Variants in AHNAK observed in about 807,000 individuals in gnomAD.
The protein encoded by AHNAK is neuroblast differentiation-associated protein AHNAK.
Under a neutral mutation model 37.8 loss-of-function variants are expected in AHNAK, and 23 were observed. That is an observed-to-expected ratio of 0.61 (90% CI 0.44 to 0.86). AHNAK has a LOEUF of 0.86. AHNAK is among the 40% of genes least tolerant of loss of function. The probability of loss-of-function intolerance (pLI) is 0.00; values close to 1 mark genes in which losing one functional copy is unlikely to be tolerated. For synonymous variants in AHNAK, 2,481 were observed against 2,636.3 expected (o/e 0.94, Z 1.80); for missense variants, 7,411 against 7,319.4 (o/e 1.01, Z -0.46).
chr11:62,526,272 G>C lies in AHNAK; in HGVS notation c.8145C>G (p.Asn2715Lys). Residue 2715 changes from asparagine (N) to lysine (K), a missense_variant, in exon 5 of 5, where the codon AAC (asparagine) becomes AAG (lysine). Physicochemically the swap from Asn to Lys is moderately conservative, Grantham distance 94. Coordinates refer to ENST00000378024, the MANE Select transcript of AHNAK (RefSeq NM_001620.3). ...CACCCTTCACTTTGGGTCCTTTCAG[G>C]TTTAAGTCAATATCAGGCATGGAGA... ...PKISMPDIDLNLKGPKVKGDV... is the reference protein window; with the variant it reads ...PKISMPDIDLKLKGPKVKGDV... 6.2e-7 allele frequency: 1 copy of C among 1,612,786 alleles called. No individual in the cohort carries two copies. Among genetic ancestry groups the C allele is most frequent in the Non-Finnish European group, 8.5e-7 (1 of 1,179,690 alleles).
chr11:62,471,434 C>G (rs1018451873), intron 5 of AHNAK, among the ~76,000 whole-genome samples: 6 of 152,188 alleles, frequency 3.9e-5, no homozygotes, highest in Non-Finnish European at 8.8e-5. Flanking sequence ...CTCAGCCTCC[C>G]AAAGTGCTGG....
chr11:62,462,477 T>A (rs534720446), intron 5 of AHNAK, among the ~76,000 whole-genome samples: 5 of 152,328 alleles, frequency 3.3e-5, no homozygotes, highest in Admixed American at 2.6e-4. Context: ...TTACATATTT[T>A]ATGAAGTCCT....
At position 62,519,880 on chromosome 11, in the gene AHNAK, G is replaced by C. The variant is rs778583044; in HGVS notation, c.14537C>G (p.Ala4846Gly). ...AACATCAGGTATGGAGATCTTGGGA[G>C]CTTTGATATTTATTTCAGGCATCTT... Reference protein sequence around the residue: ...KFKMPEINIKAPKISIPDVDL... With the variant: ...KFKMPEINIKGPKISIPDVDL... The change falls in exon 5 of 5, where the codon GCT (alanine) becomes GGT (glycine). Residue 4846 changes from alanine (A) to glycine (G), a missense_variant. Transcript: ENST00000378024. 6.2e-7 allele frequency: 1 copy of C among 1,614,078 alleles called. No individual in the cohort carries two copies. Among genetic ancestry groups the C allele is most frequent in the Admixed American group, 1.7e-5 (1 of 60,012 alleles).
intron 5 of AHNAK, among the ~76,000 whole-genome samples, chr11:62,461,809 A>C (rs981512230): frequency 2.7e-5 from 4 of 146,578 alleles, no homozygotes; most frequent in Non-Finnish European, 4.5e-5. Flanking sequence ...TGGGCAACAG[A>C]GCGAAACGAC....
chr11:62,498,404 ATGTAATTATAATTACACTATATAG>A (rs375466556), intron 4 of AHNAK, among the ~76,000 whole-genome samples: 7,130 of 150,432 alleles, frequency 0.047, 209 homozygotes, highest in Middle Eastern at 0.095. Context: ...ATTACACTAA[ATGTAATTATAATTACACTATATAG>A]TGTAATTATA....
At position 62,529,737 on chromosome 11, in the gene AHNAK, C is replaced by T; in HGVS notation, c.4680G>A (p.Gly1560=). ...VPDVNLEAPE[G]KLKGPKFKMP... is the part of the protein sequence containing the mutation. ...TCTTGAACTTAGGGCCTTTTAGTTT[C>T]CCCTCTGGAGCTTCAAGATTCACAT... Residue 1560 remains glycine (G), a synonymous_variant, in exon 5 of 5, where the codon GGG becomes GGA. Transcript: ENST00000378024. 1.2e-6 allele frequency: 2 copies of T among 1,613,998 alleles called. No homozygotes were observed. Among genetic ancestry groups the T allele is most frequent in the Non-Finnish European group, 1.7e-6 (2 of 1,179,990 alleles).
rs756830462 is a variant in AHNAK, at chr11:62,528,741, C to T, written c.5676G>A (p.Glu1892=). The change falls in exon 5 of 5, where the codon GAG becomes GAA. Residue 1892 remains glutamate (E), a synonymous_variant. Coordinates refer to ENST00000378024, the MANE Select transcript of AHNAK (RefSeq NM_001620.3). The part of the protein sequence containing the change: ...GDLTGPSVGV[E]VPDVELECPD... Reference sequence around the variant, plus strand: ...GACACTCCAGCTCAACATCAGGCACCTCCACACCCACACTGGGGCCTGTTA... The same window carrying T: ...GACACTCCAGCTCAACATCAGGCACTTCCACACCCACACTGGGGCCTGTTA... The T allele has an allele frequency of 3.1e-6, 5 of 1,612,020 alleles. No homozygotes were observed. Among genetic ancestry groups the T allele is most frequent in the Non-Finnish European group, 4.2e-6 (5 of 1,179,632 alleles).
At chr11:62,451,147 C>T (rs1450646087) in intron 5 of AHNAK, among the ~76,000 whole-genome samples, 1 of 150,308 alleles carries the variant, frequency 6.7e-6, no homozygotes, top group East Asian at 1.9e-4. Context: ...GTGGTACAAT[C>T]TCAGCTCACT....
At position 62,520,264 on chromosome 11, in the gene AHNAK, G is replaced by T. The variant is rs747228518; in HGVS notation, c.14153C>A (p.Ala4718Asp). The T allele has an allele frequency of 6.2e-7, 1 of 1,612,310 alleles. No individual in the cohort carries two copies. The highest frequency in any genetic ancestry group is 1.7e-5 in the Admixed American group (1 of 59,762). ...AATATCAGGCATGGAGATCTTGGGGGCTTTGATGCTCATCTCAGGCATCTT... is the reference window on the plus strand; with the variant it reads ...AATATCAGGCATGGAGATCTTGGGGTCTTTGATGCTCATCTCAGGCATCTT... ...KFKMPEMSIK[A>D]PKISMPDIDL... is the part of the protein sequence containing the mutation. The change falls in exon 5 of 5, where the codon GCC becomes GAC. Residue 4718 changes from alanine to aspartate, a missense_variant. Transcript: ENST00000378024.
At chr11:62,538,999 G>A (rs1003829254) in intron 1 of AHNAK, among the ~76,000 whole-genome samples, 5 of 152,136 alleles carry the variant, frequency 3.3e-5, no homozygotes, top group African/African-American at 4.8e-5. Context: ...TTGACAACGC[G>A]GTGTGGACAA....
rs749678925 is a variant in AHNAK, at chr11:62,517,478, C to G, written c.16939G>C (p.Gly5647Arg). 3 of 1,614,122 alleles carry G rather than the reference C, an allele frequency of 1.9e-6. No homozygotes were observed. The highest frequency in any genetic ancestry group is 1.1e-5 in the South Asian group (1 of 91,076). ...APGLSVSGPQ[G>R]HLESGSGKVT... ...TTTCCAGATCCACTTTCCAAGTGACCTTGAGGCCCAGACACACTCAGCCCA... is the reference window on the plus strand; with the variant it reads ...TTTCCAGATCCACTTTCCAAGTGACGTTGAGGCCCAGACACACTCAGCCCA... The change falls in exon 5 of 5, where the codon GGT (glycine) becomes CGT (arginine). Residue 5647 changes from glycine (G) to arginine (R), a missense_variant. By Grantham distance (125) the Gly-to-Arg change is moderately radical. Transcript: ENST00000378024.
chr11:62,447,445 A>C (rs11828965), intron 5 of AHNAK, among the ~76,000 whole-genome samples: 1 of 152,136 alleles, frequency 6.6e-6, no homozygotes, highest in African/African-American at 2.4e-5. Context: ...CGTCTGTTCC[A>C]CGCTGTTGCT....
intron 5 of AHNAK, among the ~76,000 whole-genome samples, chr11:62,451,566 C>T (rs1938537662): frequency 2.0e-5 from 3 of 151,802 alleles, no homozygotes; most frequent in African/African-American, 7.3e-5. Flanking sequence ...GATAAAACCC[C>T]GTCTCTACTA....
rs376812076 is a variant in AHNAK, at chr11:62,532,493, T to C, written c.1924A>G (p.Lys642Glu). ...KMPTFSTPGA[K>E]GEGPDVHMTL... ...ATATGAACATCTGGACCTTCCCCTT[T>C]GGCTCCTGGAGTGCTGAACGTGGGC... The change falls in exon 5 of 5, where the codon AAA (lysine) becomes GAA (glutamate). Residue 642 changes from lysine to glutamate, a missense_variant. Coordinates refer to ENST00000378024, the MANE Select transcript of AHNAK (RefSeq NM_001620.3). 1.9e-6 allele frequency: 3 copies of C among 1,613,996 alleles called. No individual in the cohort carries two copies. Among genetic ancestry groups the C allele is most frequent in the Non-Finnish European group, 1.7e-6 (2 of 1,180,032 alleles).
At chr11:62,454,004 G>A (rs4382917) in intron 5 of AHNAK, among the ~76,000 whole-genome samples, 42,792 of 151,816 alleles carry the variant, frequency 0.28, 7,130 homozygotes, top group African/African-American at 0.46. Context: ...CTACTCTGGA[G>A]GCTGAGGCAG....
At position 62,475,602 on chromosome 11, in the gene AHNAK, C is replaced by CTTTTTT. The variant is rs55773953; in HGVS notation, c.442+16124_442+16129dup. Reference sequence around the variant, plus strand: ...CTTAAATAAATGTGGTTATGTTATACTTTTTTTTTTTTTTTTTTTTTAGAC... The same window carrying CTTTTTT: ...CTTAAATAAATGTGGTTATGTTATACTTTTTTTTTTTTTTTTTTTTTTTTTTTAGAC... On this transcript the variant is annotated intron_variant, in intron 5 of 5. Transcript: ENST00000257247. 1.1e-3 allele frequency among the ~76,000 whole-genome samples: 127 copies of CTTTTTT among 117,992 alleles called. 7 individuals carry two copies. The highest frequency in any genetic ancestry group is 2.8e-3 in the South Asian group (9 of 3,186). The allele number at this position is 117,992 out of a possible 152,430, so 77.4% of individuals were successfully genotyped here. A position where few individuals can be genotyped will look rare whatever the true frequency, so the allele number is the denominator to read the frequency against.
rs373610508 is a variant in AHNAK, at chr11:62,457,908, A to ATT, written c.443-24019_443-24018dup. Among the ~76,000 whole-genome samples, 256 of 123,450 alleles carry ATT rather than the reference A, an allele frequency of 2.1e-3. 1 individual carries two copies. The highest frequency in any genetic ancestry group is 5.0e-3 in the East Asian group (20 of 4,036). The allele number at this position is 123,450 out of a possible 152,430, so 81.0% of individuals were successfully genotyped here. ...CCTCTGTATCTAAAAGAGAAGCTGA[A>ATT]TTTTTTTTTTTTTTTTTTTTTTGAG... On this transcript the variant is annotated intron_variant, in intron 5 of 5. Coordinates refer to the AHNAK transcript ENST00000257247.
At position 62,530,888 on chromosome 11, in the gene AHNAK, T is replaced by C; in HGVS notation, c.3529A>G (p.Lys1177Glu). 6.2e-7 allele frequency: 1 copy of C among 1,613,612 alleles called. No individual in the cohort carries two copies. Among genetic ancestry groups the C allele is most frequent in the South Asian group, 1.1e-5 (1 of 91,048 alleles). ...ATCTTAAACTTGGGACCCTTCAGCT[T>C]CCCTTCTGGACCTTCGAGGCTCACA... Reference protein sequence around the residue: ...PDVSLEGPEGKLKGPKFKMPE... With the variant: ...PDVSLEGPEGELKGPKFKMPE... Residue 1177 changes from lysine to glutamate, a missense_variant, in exon 5 of 5, where the codon AAG becomes GAG. Physicochemically the swap from Lys to Glu is moderately conservative, Grantham distance 56. Transcript: ENST00000378024.
rs774467002 is a variant in AHNAK, at chr11:62,518,022, A to G, written c.16395T>C (p.Leu5465=). The G allele has an allele frequency of 6.2e-7, 1 of 1,614,172 alleles. No individual in the cohort carries two copies. Among genetic ancestry groups the G allele is most frequent in the South Asian group, 1.1e-5 (1 of 91,084 alleles). ...NLEGPKVKGS[L]GATGEIKGPT... is the part of the protein sequence containing the mutation. Reference sequence around the variant, plus strand: ...GGCCTTTGATCTCACCAGTGGCCCCAAGGCTCCCTTTCACTTTTGGTCCTT... The same window carrying G: ...GGCCTTTGATCTCACCAGTGGCCCCGAGGCTCCCTTTCACTTTTGGTCCTT... The change falls in exon 5 of 5, where the codon CTT becomes CTC. Residue 5465 remains leucine, a synonymous_variant. Coordinates refer to ENST00000378024, the MANE Select transcript of AHNAK (RefSeq NM_001620.3).
Sources: allele counts gnomAD v4.1 joint callset (sites outside exome capture counted in the v4.1 genomes callset), GRCh38; gene constraint gnomAD v4.1.1; transcripts MANE v1.5; gene names NCBI Gene and HGNC (gene_info 2026-07-23, HGNC 2026-07-21).